The following PARP10 variants were observed in gnomAD, a reference collection of about 807,000 sequenced individuals.
PARP10 encodes the protein protein mono-ADP-ribosyltransferase PARP10.
Under a neutral mutation model 82.4 loss-of-function variants are expected in PARP10, and 56 were observed. That is an observed-to-expected ratio of 0.68 (90% CI 0.55 to 0.85). The LOEUF (loss-of-function observed/expected upper bound fraction) is 0.85. Ranked by LOEUF, PARP10 falls within the 40% of genes least tolerant of loss-of-function variation. The pLI, the probability that PARP10 is intolerant of heterozygous loss-of-function variation, is 0.00. For synonymous variants in PARP10, 576 were observed against 601.1 expected, an observed-to-expected ratio of 0.96 and a Z score of 0.61; for missense variants, 1,227 against 1,379.4, an observed-to-expected ratio of 0.89 and a Z score of 1.75.
At chr8:143,978,233 G>A in intron 9 of PARP10, 152 bp from the exon 10 acceptor site, 1 of 910,140 alleles carries the variant, frequency 1.1e-6, no homozygotes, top group Non-Finnish European at 1.6e-6. Context: ...CTGTCCAGCA[G>A]CAGACAGTAA....
chr8:144,005,535 C>T (rs1432757913), intron 1 of PARP10, among the ~76,000 whole-genome samples: 2 of 152,154 alleles, frequency 1.3e-5, no homozygotes, highest in Admixed American at 6.5e-5. Context: ...GCTCCTCCTA[C>T]TCCCTAGAAA....
chr8:143,977,782 G>A lies in PARP10; in HGVS notation c.2780C>T (p.Ser927Leu). 1.2e-6 allele frequency: 2 copies of A among 1,603,594 alleles called. No homozygotes were observed. Among genetic ancestry groups the A allele is most frequent in the Admixed American group, 1.7e-5 (1 of 59,194 alleles). Reference protein sequence around the residue: ...GVYFARRASLSVQDRYSPPNA... With the variant: ...GVYFARRASLLVQDRYSPPNA... ...GGGGGGCGAGTAGCGGTCCTGCACC[G>A]ACAGGGAGGCGCGCCTGGCGAAATA... Residue 927 changes from serine (S) to leucine (L), a missense_variant, in exon 11 of 11, where the codon TCG (serine) becomes TTG (leucine). Ser to Leu is a moderately radical substitution (Grantham distance 145, BLOSUM62 -2). Transcript: ENST00000313028.
Position 143,983,333 on chromosome 8 carries a change from A to G in PARP10, c.2256T>C (p.Ala752=). The change falls in exon 8 of 11, where the codon GCT becomes GCC. Residue 752 remains alanine (A), a synonymous_variant. Transcript: ENST00000313028. Reference sequence around the variant, plus strand: ...TCACACCATGGCACCGCTCCAGGCGAGCACGCAGCTCTGCAGGCAGTGTGC... The same window carrying G: ...TCACACCATGGCACCGCTCCAGGCGGGCACGCAGCTCTGCAGGCAGTGTGC... ...WRRTLPAELR[A]RLERCHGVSV... The G allele has an allele frequency of 6.2e-7, 1 of 1,611,022 alleles. No individual in the cohort carries two copies. Among genetic ancestry groups the G allele is most frequent in the Middle Eastern group, 1.7e-4 (1 of 6,060 alleles).
At chr8:143,992,615 G>A (rs1834119506), upstream of PARP10, 1 of 1,614,010 alleles carries the variant, frequency 6.2e-7, no homozygotes, top group Admixed American at 1.7e-5. Context: ...CTGCGTGAGT[G>A]AGGGGTGACC....
chr8:143,991,828 G>A (rs115289032), upstream of PARP10: 1,750 of 1,607,856 alleles, frequency 1.1e-3, 16 homozygotes, highest in African/African-American at 0.021. Flanking sequence ...TCTCCAAGGC[G>A]GTGGGGGCTG....
At chr8:143,978,183 G>A in intron 9 of PARP10, 102 bp from the exon 10 acceptor site, 2 of 1,339,060 alleles carry the variant, frequency 1.5e-6, no homozygotes, top group Middle Eastern at 2.7e-4. Flanking sequence ...TGTTGGAGGA[G>A]TCCAGGGTTT....
At chr8:143,982,572 A>T (rs1833888289) in intron 9 of PARP10, among the ~76,000 whole-genome samples, 1 of 152,216 alleles carries the variant, frequency 6.6e-6, no homozygotes, top group Non-Finnish European at 1.5e-5. Flanking sequence ...AGCACAAGGG[A>T]CGCATCTGTG....
intron 1 of PARP10, among the ~76,000 whole-genome samples, chr8:144,010,028 C>T (rs1834263227): frequency 6.6e-6 from 1 of 152,200 alleles, no homozygotes; most frequent in African/African-American, 2.4e-5. Context: ...ATCACAGCCA[C>T]AGGCCCTGTC....
intron 1 of PARP10, among the ~76,000 whole-genome samples, chr8:144,002,730 G>T (rs1421744748): frequency 6.6e-6 from 1 of 152,146 alleles, no homozygotes; most frequent in Non-Finnish European, 1.5e-5. Flanking sequence ...CTTCTGTCTT[G>T]AGACACACGA....
At position 143,977,987 on chromosome 8, in the gene PARP10, A is replaced by C. The variant is rs781854102; in HGVS notation, c.2651T>G (p.Val884Gly). The C allele has an allele frequency of 1.3e-6, 2 of 1,595,212 alleles. No homozygotes were observed. Among genetic ancestry groups the C allele is most frequent in the Non-Finnish European group, 1.7e-6 (2 of 1,177,212 alleles). Residue 884 changes from valine to glycine, a missense_variant, in exon 10 of 11, where the codon GTG becomes GGG. Coordinates refer to ENST00000313028, the MANE Select transcript of PARP10 (RefSeq NM_032789.5). ...CGGTGCCGTCGTGCCGTGGTACAGC[A>C]CCTGCTCCACCGGGCGCCGCTCGCA... is the stretch of plus-strand genomic sequence containing the variant. ...QRCERRPVEQ[V>G]LYHGTTAPAV...
chr8:143,992,799 C>T (rs1016544463), upstream of PARP10: 4 of 1,613,714 alleles, frequency 2.5e-6, no homozygotes, highest in African/African-American at 5.3e-5. Flanking sequence ...TCATCAACAT[C>T]TTCCTGTACA....
At chr8:143,992,515 G>A, upstream of PARP10, 10 of 1,614,146 alleles carry the variant, frequency 6.2e-6, no homozygotes, top group Non-Finnish European at 8.5e-6. Flanking sequence ...TGAGCATGGT[G>A]GTGCTCTTCA....
At chr8:143,992,670 A>G, upstream of PARP10, 1 of 1,613,848 alleles carries the variant, frequency 6.2e-7, no homozygotes, top group Non-Finnish European at 8.5e-7. Context: ...GTCCCTCAAC[A>G]CCACTGTGCT....
chr8:143,983,178 G>A lies in PARP10; in HGVS notation c.2411C>T (p.Ser804Leu). 6.2e-7 allele frequency: 1 copy of A among 1,613,546 alleles called. No homozygotes were observed. Among genetic ancestry groups the A allele is most frequent in the Non-Finnish European group, 8.5e-7 (1 of 1,179,818 alleles). Residue 804 changes from serine (S) to leucine (L), a missense_variant, in exon 8 of 11, where the codon TCA becomes TTA. Coordinates refer to ENST00000313028, the MANE Select transcript of PARP10 (RefSeq NM_032789.5). ...GGAGGTAGACTCACAGGTAGGGCCT[G>A]AAGCTGCCAAGGGAAAGGCCAAACT... ...DQSLAFPLAASGPTLAGQTLK... is the reference protein window; with the variant it reads ...DQSLAFPLAALGPTLAGQTLK...
rs782367249 is a variant in PARP10, at chr8:143,985,117, C to T, written c.885G>A (p.Met295Ile). Residue 295 changes from methionine to isoleucine, a missense_variant, in exon 5 of 11, where the codon ATG becomes ATA. Physicochemically the swap from Met to Ile is conservative, Grantham distance 10. Coordinates refer to ENST00000313028, the MANE Select transcript of PARP10 (RefSeq NM_032789.5). ...ACTGCCCTGGTTCCTCGCCAGAGCC[C>T]ATTGTCACAGTCCCTGCACCCTGCA... is the stretch of plus-strand genomic sequence containing the variant. ...TALQGAGTVT[M>I]GSGEEPGQSG... is the part of the protein sequence containing the mutation. The T allele has an allele frequency of 1.5e-5, 25 of 1,613,932 alleles. No individual in the cohort carries two copies. Among genetic ancestry groups the T allele is most frequent in the South Asian group, 5.5e-5 (5 of 91,092 alleles).
chr8:143,984,155 G>T (rs1833929551), intron 6 of PARP10, 51 bp from the exon 7 acceptor site: 1 of 1,581,676 alleles, frequency 6.3e-7, no homozygotes, highest in Non-Finnish European at 8.6e-7. Flanking sequence ...GGGCAGAGGA[G>T]GCCTGGGGCA....
At chr8:144,000,953 G>A (rs1380454405) in intron 1 of PARP10, among the ~76,000 whole-genome samples, 5 of 127,538 alleles carry the variant, frequency 3.9e-5, no homozygotes, top group African/African-American at 1.2e-4. Flanking sequence ...TCGCTCTGTC[G>A]CCCAGGCTGG....
intron 1 of PARP10, among the ~76,000 whole-genome samples, chr8:143,996,848 A>T (rs182145534): frequency 6.6e-6 from 1 of 152,356 alleles, no homozygotes; most frequent in African/African-American, 2.4e-5. Flanking sequence ...AGTCGAGGCC[A>T]TAAGTAAAAA....
Position 143,985,805 on chromosome 8 carries a change from G to A in PARP10, c.352C>T (p.Leu118Phe). 6.2e-7 allele frequency: 1 copy of A among 1,612,054 alleles called. No individual in the cohort carries two copies. The highest frequency in any genetic ancestry group is 8.5e-7 in the Non-Finnish European group (1 of 1,179,584). ...AAGGCACAGCAAGGCTGTACTGGGA[G>A]CCCCGAGGCCCGCAGCAAGGCCTGG... The part of the protein sequence containing the change: ...HVQALLRASG[L>F]PVQPCCALAS... The change falls in exon 3 of 11, where the codon CTC (leucine) becomes TTC (phenylalanine). Residue 118 changes from leucine (L) to phenylalanine (F), a missense_variant. Leu to Phe is a conservative substitution (Grantham distance 22). Coordinates refer to ENST00000313028, the MANE Select transcript of PARP10 (RefSeq NM_032789.5).
Sources: allele counts gnomAD v4.1 joint callset (sites outside exome capture counted in the v4.1 genomes callset), GRCh38; gene constraint gnomAD v4.1.1; transcripts MANE v1.5; gene names NCBI Gene and HGNC (gene_info 2026-07-23, HGNC 2026-07-21).